LUZP2: variants seen among roughly 807,000 people sequenced by gnomAD.
LUZP2 encodes the protein leucine zipper protein 2.
A neutral mutation model predicts 51.6 loss-of-function variants in LUZP2; 52 were observed. The observed-to-expected ratio is 1.01, with a 90% confidence interval of 0.81 to 1.27. LUZP2 has a LOEUF of 1.27. LUZP2 is among the 50% of genes most tolerant of loss of function. LUZP2 has a pLI of 0.00. For synonymous variants in LUZP2, 154 were observed against 137.3 expected (o/e 1.12, Z -0.85); for missense variants, 436 against 395.4 (o/e 1.10, Z -0.87).
chr11:24,525,643 C>CTT, intron 1 of LUZP2, among the ~76,000 whole-genome samples: 1 of 151,172 alleles, frequency 6.6e-6, no homozygotes, highest in Middle Eastern at 3.4e-3. Context: ...TAATATACTG[C>CTT]TTTTTTATGA....
At chr11:24,578,058 C>T (rs1180729166) in intron 1 of LUZP2, among the ~76,000 whole-genome samples, 2 of 152,004 alleles carry the variant, frequency 1.3e-5, no homozygotes, top group African/African-American at 4.8e-5. Context: ...ATCTTTCATA[C>T]AATGTTTTCT....
chr11:24,563,243 A>G (rs1852111497), intron 1 of LUZP2, among the ~76,000 whole-genome samples: 1 of 152,196 alleles, frequency 6.6e-6, no homozygotes, highest in Non-Finnish European at 1.5e-5. Context: ...TATAGGGACC[A>G]CCAAAACACA....
intron 9 of LUZP2, among the ~76,000 whole-genome samples, chr11:25,028,634 C>T (rs529446106): frequency 1.3e-4 from 19 of 151,244 alleles, no homozygotes; most frequent in Non-Finnish European, 2.7e-4. Context: ...AAAGTAGAAT[C>T]GTGTACCATT....
At chr11:24,699,123 A>G (rs561844772) in intron 1 of LUZP2, among the ~76,000 whole-genome samples, 7 of 150,968 alleles carry the variant, frequency 4.6e-5, no homozygotes, top group Admixed American at 2.6e-4. Context: ...ACACACACAC[A>G]CACACGAAAC....
At chr11:24,741,805 G>T (rs1048073493) in intron 4 of LUZP2, among the ~76,000 whole-genome samples, 1 of 136,150 alleles carries the variant, frequency 7.3e-6, no homozygotes, top group African/African-American at 2.8e-5. Flanking sequence ...TATATATTAT[G>T]GTTAATTATA....
At chr11:25,050,449 C>T (rs534206529) in intron 10 of LUZP2, among the ~76,000 whole-genome samples, 6 of 151,598 alleles carry the variant, frequency 4.0e-5, no homozygotes, top group Non-Finnish European at 1.5e-5. Flanking sequence ...GGACTACAGG[C>T]GCCCGCCACC....
intron 5 of LUZP2, among the ~76,000 whole-genome samples, chr11:24,781,834 C>T (rs1386246): frequency 0.73 from 111,074 of 151,750 alleles, 41,178 homozygotes; most frequent in East Asian, 0.86. Flanking sequence ...ATTAGATGTC[C>T]TCCCCCATGA....
intron 4 of LUZP2, among the ~76,000 whole-genome samples, chr11:24,744,914 T>C (rs1859322190): frequency 6.6e-6 from 1 of 152,156 alleles, no homozygotes; most frequent in Non-Finnish European, 1.5e-5. Context: ...GTGTCATTAT[T>C]GTCGTTCAGT....
At chr11:24,656,006 G>C (rs61875711) in intron 1 of LUZP2, among the ~76,000 whole-genome samples, 2,848 of 152,216 alleles carry the variant, frequency 0.019, 87 homozygotes, top group Admixed American at 0.079. Flanking sequence ...ACAAAATTGC[G>C]ATTTGAACAA....
intron 5 of LUZP2, among the ~76,000 whole-genome samples, chr11:24,859,688 C>A (rs1219393875): frequency 6.6e-6 from 1 of 152,212 alleles, no homozygotes; most frequent in Non-Finnish European, 1.5e-5. Flanking sequence ...TGGCATGACC[C>A]ACGGAGAGAA....
intron 7 of LUZP2, among the ~76,000 whole-genome samples, chr11:24,915,967 T>G (rs1378102276): frequency 6.6e-6 from 1 of 152,104 alleles, no homozygotes; most frequent in Non-Finnish European, 1.5e-5. Flanking sequence ...TATGTTCAAT[T>G]TTGAATAGAT....
chr11:24,882,243 A>C (rs557545451), intron 5 of LUZP2, among the ~76,000 whole-genome samples: 1 of 152,176 alleles, frequency 6.6e-6, no homozygotes, highest in South Asian at 2.1e-4. Flanking sequence ...TTTTGAGATG[A>C]GAATTTTTTA....
chr11:25,014,232 C>A (rs1043342226), intron 9 of LUZP2, among the ~76,000 whole-genome samples: 2 of 152,148 alleles, frequency 1.3e-5, no homozygotes, highest in African/African-American at 4.8e-5. Context: ...GTCTTTATAG[C>A]AGCATGTTTT....
At chr11:24,772,133 G>T (rs1051954340) in intron 5 of LUZP2, among the ~76,000 whole-genome samples, 1 of 152,184 alleles carries the variant, frequency 6.6e-6, no homozygotes, top group African/African-American at 2.4e-5. Context: ...TATATGTGTT[G>T]TGTTTTTCAA....
intron 4 of LUZP2, among the ~76,000 whole-genome samples, chr11:24,759,794 A>G (rs1859915379): frequency 6.6e-6 from 1 of 152,092 alleles, no homozygotes; most frequent in East Asian, 1.9e-4. Context: ...TTTAATTTTG[A>G]ATGGGGTTAG....
chr11:24,675,712 C>G (rs2133858078), intron 1 of LUZP2, among the ~76,000 whole-genome samples: 2 of 151,860 alleles, frequency 1.3e-5, no homozygotes, highest in South Asian at 2.1e-4. Context: ...TCAAGAAAAA[C>G]CTGATTGGTC....
chr11:24,511,879 G>C (rs1270450867), intron 1 of LUZP2, among the ~76,000 whole-genome samples: 2 of 152,034 alleles, frequency 1.3e-5, no homozygotes, highest in Non-Finnish European at 2.9e-5. Flanking sequence ...TCTTAGCGAA[G>C]TGTCTCTTAT....
At chr11:24,602,942 A>G (rs187311138) in intron 1 of LUZP2, among the ~76,000 whole-genome samples, 170 of 151,926 alleles carry the variant, frequency 1.1e-3, no homozygotes, top group African/African-American at 3.9e-3. Context: ...TCTAGGGTAG[A>G]ACAATGTAAA....
At chr11:24,806,641 A>G (rs1341956829) in intron 5 of LUZP2, among the ~76,000 whole-genome samples, 2 of 152,182 alleles carry the variant, frequency 1.3e-5, no homozygotes, top group African/African-American at 2.4e-5. Context: ...GAAATGAGGT[A>G]AGGCAATGTG....
Sources: allele counts gnomAD v4.1 joint callset (sites outside exome capture counted in the v4.1 genomes callset), GRCh38; gene constraint gnomAD v4.1.1; transcripts MANE v1.5; gene names NCBI Gene and HGNC (gene_info 2026-07-23, HGNC 2026-07-21).